The following UNC5D variants were observed in gnomAD, a reference collection of about 807,000 sequenced individuals.
The protein encoded by UNC5D is unc-5 netrin receptor D.
Under a neutral mutation model 105.4 loss-of-function variants are expected in UNC5D, and 39 were observed. The observed-to-expected ratio is 0.37, with a 90% confidence interval of 0.29 to 0.48. UNC5D has a LOEUF of 0.48. Among genes scored for constraint, UNC5D ranks in the 20% least tolerant of loss-of-function variants. The pLI, the probability that UNC5D is intolerant of heterozygous loss-of-function variation, is 0.98. For synonymous variants in UNC5D, 452 were observed against 450.4 expected, an observed-to-expected ratio of 1.00 and a Z score of -0.04; for missense variants, 991 against 1,202.4, an observed-to-expected ratio of 0.82 and a Z score of 2.60.
intron 1 of UNC5D, among the ~76,000 whole-genome samples, chr8:35,285,226 T>A (rs553156525): frequency 6.6e-6 from 1 of 152,220 alleles, no homozygotes; most frequent in Admixed American, 6.5e-5. Context: ...GTTAGACTCA[T>A]GGATGAGGAA....
intron 1 of UNC5D, among the ~76,000 whole-genome samples, chr8:35,542,053 A>G (rs530230015): frequency 3.3e-5 from 5 of 152,324 alleles, no homozygotes; most frequent in Middle Eastern, 3.4e-3. Flanking sequence ...AGTCATATAT[A>G]AGATTGGCAC....
intron 14 of UNC5D, among the ~76,000 whole-genome samples, chr8:35,763,326 G>A (rs1248340424): frequency 6.6e-6 from 1 of 151,990 alleles, no homozygotes; most frequent in Non-Finnish European, 1.5e-5. Context: ...CTGCAAGGAA[G>A]AATTATCTCT....
chr8:35,565,764 A>T (rs569424885), intron 2 of UNC5D, among the ~76,000 whole-genome samples: 217 of 152,318 alleles, frequency 1.4e-3, no homozygotes, highest in African/African-American at 5.0e-3. Flanking sequence ...AGAGGGATCC[A>T]GTTTCATTCT....
At chr8:35,532,062 G>A in intron 1 of UNC5D, among the ~76,000 whole-genome samples, 3 of 143,272 alleles carry the variant, frequency 2.1e-5, no homozygotes, top group Admixed American at 7.0e-5. Context: ...AGTTAATATT[G>A]TTATGTGTGA....
At chr8:35,767,350 G>A (rs1801820672) in intron 15 of UNC5D, among the ~76,000 whole-genome samples, 1 of 152,152 alleles carries the variant, frequency 6.6e-6, no homozygotes, top group Admixed American at 6.5e-5. Flanking sequence ...ATCACAAGAA[G>A]TCTTATTCCA....
intron 1 of UNC5D, among the ~76,000 whole-genome samples, chr8:35,281,431 T>C (rs948609183): frequency 6.6e-6 from 1 of 151,960 alleles, no homozygotes; most frequent in African/African-American, 2.4e-5. Flanking sequence ...TCTTTTTTTT[T>C]TTTTGCCAAA....
chr8:35,686,826 A>G (rs1655187311), intron 7 of UNC5D, 117 bp downstream of exon 7: 5 of 1,321,562 alleles, frequency 3.8e-6, no homozygotes, highest in Admixed American at 3.2e-5. Flanking sequence ...CCAAGCTGCT[A>G]AGGGCAAAAA....
intron 7 of UNC5D, among the ~76,000 whole-genome samples, chr8:35,691,863 G>C (rs1436404716): frequency 1.3e-5 from 2 of 152,192 alleles, no homozygotes; most frequent in African/African-American, 4.8e-5. Flanking sequence ...TGAGGAATAA[G>C]AGAAGCCAGC....
chr8:35,505,342 G>A lies in UNC5D; in HGVS notation c.104-43950G>A, dbSNP rs56249607. Among the ~76,000 whole-genome samples the A allele has an allele frequency of 7.2e-5, 11 of 152,312 alleles. No individual in the cohort carries two copies. The East Asian group carries it at 2.1e-3, about 29-fold the overall frequency. The stretch of plus-strand genomic sequence containing the variant: ...GGGATTACTTTGGAGATACGAAAAA[G>A]AAAATAGGTCTTAGTACAATTGAAT... On this transcript the variant is annotated intron_variant, in intron 1 of 16. Transcript: ENST00000404895.
chr8:35,479,989 A>G (rs1391479683), intron 1 of UNC5D, among the ~76,000 whole-genome samples: 1 of 152,194 alleles, frequency 6.6e-6, no homozygotes, highest in Non-Finnish European at 1.5e-5. Context: ...TCTGGAATGC[A>G]CCACTAATGG....
intron 1 of UNC5D, among the ~76,000 whole-genome samples, chr8:35,345,600 G>A (rs1011249738): frequency 2.0e-5 from 3 of 152,064 alleles, no homozygotes; most frequent in Admixed American, 6.6e-5. Flanking sequence ...ATGGGAAGAA[G>A]AGTAAACGTA....
chr8:35,752,691 G>C (rs1830343992), intron 13 of UNC5D, among the ~76,000 whole-genome samples: 1 of 152,134 alleles, frequency 6.6e-6, no homozygotes, highest in African/African-American at 2.4e-5. Context: ...ATATATAACA[G>C]ATATTCAGGA....
chr8:35,425,403 A>G (rs2128969804), intron 1 of UNC5D, among the ~76,000 whole-genome samples: 1 of 152,270 alleles, frequency 6.6e-6, no homozygotes, highest in Non-Finnish European at 1.5e-5. Context: ...TCAGCTCCTT[A>G]GAGCTTCTGT....
chr8:35,560,379 A>G (rs1816870304), intron 2 of UNC5D, among the ~76,000 whole-genome samples: 1 of 152,122 alleles, frequency 6.6e-6, no homozygotes, highest in African/African-American at 2.4e-5. Flanking sequence ...TTCCTTGGAT[A>G]TTTCTCATTT....
chr8:35,284,238 T>A (rs1032009130), intron 1 of UNC5D, among the ~76,000 whole-genome samples: 3 of 152,234 alleles, frequency 2.0e-5, no homozygotes, highest in Non-Finnish European at 4.4e-5. Context: ...CATAAGCAAC[T>A]TTTATTAACT....
Position 35,425,889 on chromosome 8 carries a change from C to T in UNC5D, c.104-123403C>T, listed in dbSNP as rs7832155. 9.3e-3 allele frequency among the ~76,000 whole-genome samples: 1,416 copies of T among 152,150 alleles called. 23 individuals carry two copies. The highest frequency in any genetic ancestry group is 0.032 in the African/African-American group (1,333 of 41,486). ...ATATAATATATAGTGATCAGACTGGCGTTTAACCATTTCAGGGTCAGAAGA... is the reference window on the plus strand; with the variant it reads ...ATATAATATATAGTGATCAGACTGGTGTTTAACCATTTCAGGGTCAGAAGA... On this transcript the variant is annotated intron_variant, in intron 1 of 16. Coordinates refer to ENST00000404895, the MANE Select transcript of UNC5D (RefSeq NM_080872.4).
intron 2 of UNC5D, among the ~76,000 whole-genome samples, chr8:35,564,915 A>G (rs1310330047): frequency 6.6e-6 from 1 of 152,188 alleles, no homozygotes; most frequent in Non-Finnish European, 1.5e-5. Context: ...AGTTACTGCA[A>G]AATACATGAT....
At chr8:35,783,169 TATGTAAGTA>T (rs1291784415) in intron 16 of UNC5D, among the ~76,000 whole-genome samples, 1 of 151,560 alleles carries the variant, frequency 6.6e-6, no homozygotes, top group African/African-American at 2.4e-5. Flanking sequence ...AAAAGAGTCA[TATGTAAGTA>T]ATGTAAGTAG....
chr8:35,691,145 T>G (rs535778457), intron 7 of UNC5D, among the ~76,000 whole-genome samples: 77 of 152,308 alleles, frequency 5.1e-4, no homozygotes, highest in Non-Finnish European at 9.4e-4. Flanking sequence ...CACAGAATCT[T>G]AATGTTACAC....
Sources: gnomAD v4.1 joint callset for allele counts (sites outside exome capture counted in the v4.1 genomes callset) on GRCh38, gnomAD v4.1.1 for gene constraint, MANE v1.5 for transcripts, NCBI Gene and HGNC (gene_info 2026-07-23, HGNC 2026-07-21) for gene names.